Variants in EYA2 observed in about 807,000 individuals in gnomAD.
EYA2 encodes protein phosphatase EYA2.
A neutral mutation model predicts 69.2 loss-of-function variants in EYA2; 31 were observed. The ratio of observed to expected loss-of-function variants is 0.45; its 90% CI spans 0.34 to 0.60. The LOEUF (loss-of-function observed/expected upper bound fraction) is 0.60, where lower values mean the gene tolerates loss of function less well. Ranked by LOEUF, EYA2 falls within the 20% of genes least tolerant of loss-of-function variation. The probability of loss-of-function intolerance (pLI) is 0.02; values close to 1 mark genes in which losing one functional copy is unlikely to be tolerated. For missense variants in EYA2, 622 were observed against 701.2 expected (o/e 0.89, Z 1.28); for synonymous variants, 257 against 279.4 (o/e 0.92, Z 0.80).
intron 7 of EYA2, among the ~76,000 whole-genome samples, chr20:47,074,794 G>T (rs1316916607): frequency 6.6e-6 from 1 of 152,118 alleles, no homozygotes; most frequent in Non-Finnish European, 1.5e-5. Flanking sequence ...GTAGGCCTTG[G>T]AGTTGATGAA....
chr20:47,043,681 CATTT>C (rs145884885), intron 5 of EYA2, among the ~76,000 whole-genome samples: 4,090 of 152,234 alleles, frequency 0.027, 193 homozygotes, highest in African/African-American at 0.092. Flanking sequence ...TGATAATACG[CATTT>C]CATAGAACTG....
chr20:47,070,293 G>T (rs1462298538), intron 5 of EYA2, among the ~76,000 whole-genome samples: 1 of 152,216 alleles, frequency 6.6e-6, no homozygotes, highest in Admixed American at 6.5e-5. Context: ...AAAAGCACAT[G>T]AAAAATGCCC....
intron 7 of EYA2, among the ~76,000 whole-genome samples, chr20:47,076,513 T>C (rs992282796): frequency 6.6e-6 from 1 of 152,222 alleles, no homozygotes; most frequent in Non-Finnish European, 1.5e-5. Flanking sequence ...TTTTGAGAAG[T>C]GTCTGTTCAT....
intron 11 of EYA2, among the ~76,000 whole-genome samples, chr20:47,170,418 G>T (rs141013605): frequency 1.3e-5 from 2 of 151,488 alleles, no homozygotes; most frequent in African/African-American, 4.8e-5. Flanking sequence ...AGGCCAAGGC[G>T]CAAGGATCAC....
At chr20:47,186,007 C>G (rs538737982) in intron 15 of EYA2, among the ~76,000 whole-genome samples, 5 of 152,274 alleles carry the variant, frequency 3.3e-5, no homozygotes, top group South Asian at 4.1e-4. Flanking sequence ...TACCTGCCCC[C>G]ACGTTCCCCC....
intron 4 of EYA2, among the ~76,000 whole-genome samples, chr20:47,014,562 C>T (rs950421485): frequency 6.6e-6 from 1 of 151,722 alleles, no homozygotes; most frequent in Non-Finnish European, 1.5e-5. Context: ...GATGTTCTTG[C>T]CCTGGACTCA....
At chr20:46,969,832 A>T (rs1036283998) in intron 1 of EYA2, among the ~76,000 whole-genome samples, 16 of 152,198 alleles carry the variant, frequency 1.1e-4, no homozygotes, top group African/African-American at 3.9e-4. Flanking sequence ...TTTAGGCTTT[A>T]CTTAGAATCT....
intron 15 of EYA2, among the ~76,000 whole-genome samples, chr20:47,186,553 T>G (rs13043817): frequency 1.3e-5 from 2 of 151,946 alleles, no homozygotes; most frequent in African/African-American, 2.4e-5. Context: ...GAGATGGGGT[T>G]TCACCATGTT....
Position 46,982,383 on chromosome 20 carries a change from T to C in EYA2, c.-10-7618T>C, listed in dbSNP as rs567450347. Among the ~76,000 whole-genome samples, 11 of 152,328 alleles carry C rather than the reference T, an allele frequency of 7.2e-5. No individual in the cohort carries two copies. In the East Asian group the frequency reaches 1.2e-3, roughly 16 times the overall value. Reference sequence around the variant, plus strand: ...CCCCTCTGACTGCTTTTAAGATTAATTTGTGCACATGTGCAGTTTAACCAT... The same window carrying C: ...CCCCTCTGACTGCTTTTAAGATTAACTTGTGCACATGTGCAGTTTAACCAT... On this transcript the variant is annotated intron_variant, in intron 1 of 15. Coordinates refer to ENST00000327619, the MANE Select transcript of EYA2 (RefSeq NM_005244.5).
intron 5 of EYA2, among the ~76,000 whole-genome samples, chr20:47,029,811 AC>A (rs1285876974): frequency 6.6e-6 from 1 of 152,234 alleles, no homozygotes; most frequent in Non-Finnish European, 1.5e-5. Flanking sequence ...GAATTATTGA[AC>A]ACAGTACAGT....
chr20:46,905,249 A>G (rs1054015109), intron 1 of EYA2, among the ~76,000 whole-genome samples: 1 of 152,136 alleles, frequency 6.6e-6, no homozygotes, highest in African/African-American at 2.4e-5. Flanking sequence ...GGAAACTGAG[A>G]CTTGGACAGA....
intron 5 of EYA2, among the ~76,000 whole-genome samples, chr20:47,063,606 T>A (rs1246503583): frequency 6.6e-6 from 1 of 152,152 alleles, no homozygotes; most frequent in East Asian, 1.9e-4. Flanking sequence ...TTGTTGCAGA[T>A]GAAAAGGAGA....
chr20:47,148,340 T>A (rs2033750553), intron 10 of EYA2, among the ~76,000 whole-genome samples: 1 of 152,188 alleles, frequency 6.6e-6, no homozygotes, highest in Non-Finnish European at 1.5e-5. Flanking sequence ...GCACAGAGCC[T>A]GGCATACCTG....
In EYA2 at chr20:47,188,710, C is replaced by G. The variant is rs2034699252; in HGVS notation, c.*577C>G. ...TATTGCTTATTTTTGTTTTTAAAGA[C>G]CTACTTGACGTCATGTGGACAGTGC... On this transcript the variant is annotated 3_prime_UTR_variant, in exon 16 of 16. Transcript: ENST00000327619. 5.0e-6 allele frequency: 1 copy of G among 201,604 alleles called. No individual in the cohort carries two copies. Among genetic ancestry groups the G allele is most frequent in the African/African-American group, 2.3e-5 (1 of 43,142 alleles). The allele number at this position is 201,604 out of a possible 1,614,324, so 12.5% of individuals were successfully genotyped here. A position where few individuals can be genotyped will look rare whatever the true frequency, so the allele number is the denominator to read the frequency against.
chr20:46,989,093 C>A (rs980713200), intron 1 of EYA2, among the ~76,000 whole-genome samples: 13 of 152,132 alleles, frequency 8.5e-5, no homozygotes, highest in Admixed American at 3.3e-4. Context: ...GAGACCTCAT[C>A]CCTACTCTCC....
chr20:46,955,347 G>A (rs561724418), intron 1 of EYA2, among the ~76,000 whole-genome samples: 1 of 152,192 alleles, frequency 6.6e-6, no homozygotes, highest in East Asian at 1.9e-4. Context: ...TGTCAGCCAG[G>A]CCTCACACCT....
At chr20:46,931,053 A>G (rs545030631) in intron 1 of EYA2, among the ~76,000 whole-genome samples, 5 of 152,300 alleles carry the variant, frequency 3.3e-5, no homozygotes, top group African/African-American at 9.6e-5. Context: ...CAGGGAGTCA[A>G]ACTCACCTCC....
At chr20:46,968,515 G>A (rs1445982248) in intron 1 of EYA2, among the ~76,000 whole-genome samples, 1 of 152,122 alleles carries the variant, frequency 6.6e-6, no homozygotes, top group East Asian at 1.9e-4. Flanking sequence ...CCCCCTCCGT[G>A]TTTAAACATG....
At position 47,188,242 on chromosome 20, in the gene EYA2, C is replaced by T; in HGVS notation, c.*109C>T. On this transcript the variant is annotated 3_prime_UTR_variant, in exon 16 of 16. Coordinates refer to ENST00000327619, the MANE Select transcript of EYA2 (RefSeq NM_005244.5). The stretch of plus-strand genomic sequence containing the variant: ...CAGATGTTGGACACCAGGAAGGGGC[C>T]CCACAGCCGAGACGACGTGTCCAGT... 9.6e-7 allele frequency: 1 copy of T among 1,045,722 alleles called. No individual in the cohort carries two copies. The highest frequency in any genetic ancestry group is 1.4e-5 in the South Asian group (1 of 72,188). The allele number at this position is 1,045,722 out of a possible 1,614,324, so 64.8% of individuals were successfully genotyped here.
Sources: allele counts gnomAD v4.1 joint callset (sites outside exome capture counted in the v4.1 genomes callset), GRCh38; gene constraint gnomAD v4.1.1; transcripts MANE v1.5; gene names NCBI Gene and HGNC (gene_info 2026-07-23, HGNC 2026-07-21).